Variants in ALMS1 observed in about 807,000 individuals in gnomAD.
The protein encoded by ALMS1 is centrosome-associated protein ALMS1.
A neutral mutation model predicts 352.2 loss-of-function variants in ALMS1; 271 were observed. That is an observed-to-expected ratio of 0.77 (90% CI 0.70 to 0.85). ALMS1 has a LOEUF of 0.85. Among genes scored for constraint, ALMS1 ranks in the 40% least tolerant of loss-of-function variants. The pLI, the probability that ALMS1 is intolerant of heterozygous loss-of-function variation, is 0.00. For synonymous variants in ALMS1, 1,865 were observed against 1,761.2 expected (o/e 1.06, Z -1.48); for missense variants, 5,445 against 4,870.7 (o/e 1.12, Z -3.51).
At chr2:73,606,278 A>G (rs1042043433) in intron 21 of ALMS1, among the ~76,000 whole-genome samples, 12 of 152,242 alleles carry the variant, frequency 7.9e-5, no homozygotes, top group African/African-American at 2.9e-4. Flanking sequence ...CAATAGATAA[A>G]ACCTACATTG....
intron 12 of ALMS1, among the ~76,000 whole-genome samples, chr2:73,539,239 T>C (rs1404386008): frequency 6.6e-6 from 1 of 152,190 alleles, no homozygotes; most frequent in Non-Finnish European, 1.5e-5. Context: ...TATTCGCTGT[T>C]CTGCAGCCTC....
At chr2:73,434,761 G>T (rs1433594322) in intron 7 of ALMS1, among the ~76,000 whole-genome samples, 1 of 152,062 alleles carries the variant, frequency 6.6e-6, no homozygotes, top group African/African-American at 2.4e-5. Context: ...TTGACATTAT[G>T]ATGTTAGATC....
intron 9 of ALMS1, among the ~76,000 whole-genome samples, chr2:73,481,734 G>T (rs1672709885): frequency 6.6e-6 from 1 of 151,334 alleles, no homozygotes; most frequent in Non-Finnish European, 1.5e-5. Flanking sequence ...CCATTTGTTT[G>T]TATCCTCTTT....
chr2:73,525,515 C>T (rs890124420), intron 11 of ALMS1, among the ~76,000 whole-genome samples: 1 of 152,164 alleles, frequency 6.6e-6, no homozygotes, highest in Non-Finnish European at 1.5e-5. Context: ...CTTTGCATTT[C>T]TCTGATGATC....
chr2:73,447,903 CA>C, intron 7 of ALMS1, 56 bp from the exon 8 acceptor site: 2 of 1,508,778 alleles, frequency 1.3e-6, no homozygotes, highest in Non-Finnish European at 1.8e-6. Context: ...TTTTCCAGCA[CA>C]TAGAATTTTA....
chr2:73,432,144 C>A, intron 6 of ALMS1, 54 bp from the exon 7 acceptor site: 1 of 1,340,406 alleles, frequency 7.5e-7, no homozygotes. Flanking sequence ...TCATTCTAAT[C>A]TGGGCATTAA....
At position 73,385,981 on chromosome 2, in the gene ALMS1, A is replaced by G. The variant is rs1462829116; in HGVS notation, c.113A>G (p.Asp38Gly). Residue 38 changes from aspartate (D) to glycine (G), a missense_variant, in exon 1 of 23, where the codon GAC becomes GGC. Transcript: ENST00000613296. Reference sequence around the variant, plus strand: ...GCAGCGGCGGCGGCGGCGAACGTGGACGACGTAGTGGTCGTGGAGGAGGTG... The same window carrying G: ...GCAGCGGCGGCGGCGGCGAACGTGGGCGACGTAGTGGTCGTGGAGGAGGTG... ...EAAAAAAANV[D>G]DVVVVEEVEE... 1.9e-6 allele frequency: 3 copies of G among 1,546,998 alleles called. No homozygotes were observed. Among genetic ancestry groups the G allele is most frequent in the Admixed American group, 2.0e-5 (1 of 51,022 alleles).
chr2:73,392,800 C>T (rs565402295), intron 1 of ALMS1, among the ~76,000 whole-genome samples: 1 of 152,054 alleles, frequency 6.6e-6, no homozygotes, highest in African/African-American at 2.4e-5. Flanking sequence ...ATAATGCTAC[C>T]GTAGACATTC....
At chr2:73,398,773 A>G (rs1193896934) in intron 1 of ALMS1, among the ~76,000 whole-genome samples, 2 of 152,118 alleles carry the variant, frequency 1.3e-5, no homozygotes, top group East Asian at 1.9e-4. Context: ...ATTGACTTTT[A>G]TATATTAACC....
chr2:73,442,767 A>C (rs769644503), intron 7 of ALMS1, among the ~76,000 whole-genome samples: 1 of 152,180 alleles, frequency 6.6e-6, no homozygotes, highest in Admixed American at 6.5e-5. Flanking sequence ...CCAGGGCTTC[A>C]GTTATTTCCT....
chr2:73,568,279 A>G (rs1161241199), intron 15 of ALMS1, among the ~76,000 whole-genome samples: 1 of 152,220 alleles, frequency 6.6e-6, no homozygotes, highest in Admixed American at 6.5e-5. Context: ...ATTTGTTGCA[A>G]CATTTTTGAA....
intron 6 of ALMS1, among the ~76,000 whole-genome samples, chr2:73,431,744 A>C (rs1671503038): frequency 1.3e-5 from 2 of 152,262 alleles, no homozygotes; most frequent in African/African-American, 2.4e-5. Context: ...GTTTCTAGAA[A>C]ATATTCCTGT....
chr2:73,492,198 G>C (rs1055382788), intron 10 of ALMS1, among the ~76,000 whole-genome samples: 1 of 152,162 alleles, frequency 6.6e-6, no homozygotes, highest in Non-Finnish European at 1.5e-5. Flanking sequence ...ATATGGTGAA[G>C]CAGAACTACC....
intron 16 of ALMS1, among the ~76,000 whole-genome samples, chr2:73,592,005 T>G (rs1362197565): frequency 1.3e-5 from 2 of 152,202 alleles, no homozygotes; most frequent in African/African-American, 2.4e-5. Context: ...CCATTAGAGT[T>G]TTTTTTACCT....
At position 73,489,602 on chromosome 2, in the gene ALMS1, C is replaced by T. The variant is rs1164927952; in HGVS notation, c.7675-32C>T. The T allele has an allele frequency of 8.1e-6, 13 of 1,613,242 alleles. No individual in the cohort carries two copies. The East Asian group carries it at 2.7e-4, about 33-fold the overall frequency. On this transcript the variant is annotated intron_variant, in intron 9 of 22. Transcript: ENST00000613296. ...TTGTTTATAACTACTTGGACTACTT[C>T]AAATAAGAACCTGTTTGTTTGTATC...
At chr2:73,525,199 A>T (rs1332095938) in intron 11 of ALMS1, among the ~76,000 whole-genome samples, 1 of 152,182 alleles carries the variant, frequency 6.6e-6, no homozygotes, top group East Asian at 1.9e-4. Context: ...GGTTGCTTCT[A>T]AATTTTGGCT....
intron 7 of ALMS1, 49 bp downstream of exon 7, chr2:73,432,340 G>GA (rs1447489303): frequency 2.2e-6 from 3 of 1,359,624 alleles, no homozygotes; most frequent in Non-Finnish European, 3.2e-6. Flanking sequence ...GATACCTTGT[G>GA]AAAAAATATC....
chr2:73,556,161 T>G (rs1674538299), intron 13 of ALMS1, among the ~76,000 whole-genome samples: 1 of 152,214 alleles, frequency 6.6e-6, no homozygotes, highest in African/African-American at 2.4e-5. Context: ...CCTATATTTT[T>G]GGTATGCCTG....
chr2:73,571,812 T>G (rs575190098), intron 15 of ALMS1, among the ~76,000 whole-genome samples: 22 of 152,230 alleles, frequency 1.4e-4, no homozygotes, highest in African/African-American at 4.8e-4. Flanking sequence ...TTTAAAAAAT[T>G]TATCCATTTA....
Sources: gnomAD v4.1 joint callset for allele counts (sites outside exome capture counted in the v4.1 genomes callset) on GRCh38, gnomAD v4.1.1 for gene constraint, MANE v1.5 for transcripts, NCBI Gene and HGNC (gene_info 2026-07-23, HGNC 2026-07-21) for gene names.